The following TCN1 variants were observed in gnomAD, a reference collection of about 807,000 sequenced individuals.
TCN1 encodes transcobalamin 1.
TCN1 carries 47 observed loss-of-function variants against 46.3 expected under a neutral mutation model. That is an observed-to-expected ratio of 1.01 (90% confidence interval 0.80 to 1.29). The LOEUF is 1.29. Among genes scored for constraint, TCN1 ranks in the 50% most tolerant of loss-of-function variants. The probability of loss-of-function intolerance (pLI) is 0.00; values close to 1 mark genes in which losing one functional copy is unlikely to be tolerated. For missense variants in TCN1, 532 were observed against 511.0 expected (o/e 1.04, Z -0.40); for synonymous variants, 183 against 192.5 (o/e 0.95, Z 0.41).
chr11:59,853,305 G>A lies in TCN1; in HGVS notation c.1138C>T (p.Arg380Cys), dbSNP rs768233296. The change falls in exon 8 of 9, where the codon CGC (arginine) becomes TGC (cysteine). Residue 380 changes from arginine to cysteine, a missense_variant. Coordinates refer to ENST00000257264, the MANE Select transcript of TCN1 (RefSeq NM_001062.4). ...DTIFGFTMEE[R>C]SWGPYITCIQ... ...CAGGTGATATAGGGCCCCCATGAGC[G>A]CTCCTCCATTGTGAAACTGTGGGTG... 15 of 1,613,802 alleles carry A rather than the reference G, an allele frequency of 9.3e-6. No individual in the cohort carries two copies. Among genetic ancestry groups the A allele is most frequent in the South Asian group, 5.5e-5 (5 of 91,068 alleles).
Position 59,855,902 on chromosome 11 carries a change from T to A in TCN1, c.904A>T (p.Ile302Phe). Residue 302 changes from isoleucine to phenylalanine, a missense_variant, in exon 6 of 9, where the codon ATT (isoleucine) becomes TTT (phenylalanine). Transcript: ENST00000257264. ...PALMGKTFLD[I>F]NKDSSCVSAS... ...GAGACGCAAGAAGAGTCTTTGTTAA[T>A]ATCCAAGAAGGTCTTTCCCATCAGG... 6.2e-7 allele frequency: 1 copy of A among 1,613,928 alleles called. No individual in the cohort carries two copies.
At chr11:59,859,055 C>T in intron 5 of TCN1, 22 bp downstream of exon 5, 1 of 1,610,208 alleles carries the variant, frequency 6.2e-7, no homozygotes, top group Non-Finnish European at 8.5e-7. Context: ...TTCTCTGCCT[C>T]CTGTTTCACC....
In TCN1 at chr11:59,855,947, C is replaced by T; in HGVS notation, c.859G>A (p.Ala287Thr). ...ATCAGGGCAGGTAAGACCTGGGCTG[C>T]AGCGTTTGGATTGCTGAATGCTCCT... ...SQGAFSNPNA[A>T]AQVLPALMGK... is the part of the protein sequence containing the mutation. The change falls in exon 6 of 9, where the codon GCA becomes ACA. Residue 287 changes from alanine to threonine, a missense_variant. Coordinates refer to ENST00000257264, the MANE Select transcript of TCN1 (RefSeq NM_001062.4). 1 of 1,613,808 alleles carries T rather than the reference C, an allele frequency of 6.2e-7. No homozygotes were observed. The highest frequency in any genetic ancestry group is 1.7e-5 in the Admixed American group (1 of 59,998).
intron 3 of TCN1, among the ~76,000 whole-genome samples, chr11:59,862,160 A>G (rs1406804719): frequency 6.6e-6 from 1 of 152,234 alleles, no homozygotes; most frequent in Non-Finnish European, 1.5e-5. Context: ...TTTCCCAGTG[A>G]TAATGTACTC....
Position 59,853,306 on chromosome 11 carries a change from C to T in TCN1, c.1137G>A (p.Glu379=), listed in dbSNP as rs1373624481. 1.9e-6 allele frequency: 3 copies of T among 1,614,026 alleles called. No individual in the cohort carries two copies. The highest frequency in any genetic ancestry group is 2.5e-6 in the Non-Finnish European group (3 of 1,179,974). Residue 379 remains glutamate (E), a synonymous_variant, in exon 8 of 9, where the codon GAG becomes GAA. Coordinates refer to ENST00000257264, the MANE Select transcript of TCN1 (RefSeq NM_001062.4). ...AGGTGATATAGGGCCCCCATGAGCG[C>T]TCCTCCATTGTGAAACTGTGGGTGA... ...NDTIFGFTME[E]RSWGPYITCI...
Position 59,854,800 on chromosome 11 carries a change from C to A in TCN1, c.973G>T (p.Val325Leu). 1.2e-6 allele frequency: 2 copies of A among 1,613,972 alleles called. No individual in the cohort carries two copies. The highest frequency in any genetic ancestry group is 1.7e-6 in the Non-Finnish European group (2 of 1,179,898). The stretch of plus-strand genomic sequence containing the variant: ...TATGATTGTGAGTCAGGAGGTGTCA[C>A]AGTTATAGGCTCATCAGCGGAGATG... ...FNISADEPIT[V>L]TPPDSQSYIS... The change falls in exon 7 of 9, where the codon GTG becomes TTG. Residue 325 changes from valine (V) to leucine (L), a missense_variant. Transcript: ENST00000257264.
At chr11:59,866,353 C>T (rs577625173) in intron 1 of TCN1, 39 bp downstream of exon 1, 6 of 1,593,438 alleles carry the variant, frequency 3.8e-6, no homozygotes, top group South Asian at 1.1e-5. Context: ...TTTCAGTAGA[C>T]TATCACTCTA....
chr11:59,853,475 G>C (rs1866689735), intron 7 of TCN1, among the ~76,000 whole-genome samples, 154 bp from the exon 8 acceptor site: 1 of 152,110 alleles, frequency 6.6e-6, no homozygotes, highest in Admixed American at 6.5e-5. Context: ...TTTATTTTTA[G>C]ATATGAGCTG....
intron 2 of TCN1, among the ~76,000 whole-genome samples, 176 bp downstream of exon 2, chr11:59,863,731 C>G (rs1853042124): frequency 6.6e-6 from 1 of 152,100 alleles, no homozygotes; most frequent in Admixed American, 6.5e-5. Context: ...AGACCTAGCT[C>G]TAGGGTGAAT....
At chr11:59,856,085 G>GA in intron 5 of TCN1, 27 bp from the exon 6 acceptor site, 1 of 585,326 alleles carries the variant, frequency 1.7e-6, no homozygotes, top group Admixed American at 2.0e-5. Flanking sequence ...GGGTGGGGGG[G>GA]TGATGAGAGA....
rs1003907190 is a variant in TCN1, at chr11:59,863,802, A to G, written c.259+105T>C. Reference sequence around the variant, plus strand: ...CTCAAGTTTGGTACCATTAGAAGGGATGTAGCAGGGATACTTTGGATGCAT... The same window carrying G: ...CTCAAGTTTGGTACCATTAGAAGGGGTGTAGCAGGGATACTTTGGATGCAT... On this transcript the variant is annotated intron_variant, in intron 2 of 8. Coordinates refer to ENST00000257264, the MANE Select transcript of TCN1 (RefSeq NM_001062.4). The G allele has an allele frequency of 1.5e-5, 19 of 1,263,782 alleles. No individual in the cohort carries two copies. In the South Asian group the frequency reaches 1.7e-4, roughly 11 times the overall value. The allele number at this position is 1,263,782 out of a possible 1,614,324, so 78.3% of individuals were successfully genotyped here. A position where few individuals can be genotyped will look rare whatever the true frequency, so the allele number is the denominator to read the frequency against.
At chr11:59,858,942 G>T (rs957850814) in intron 5 of TCN1, 135 bp downstream of exon 5, 2 of 990,552 alleles carry the variant, frequency 2.0e-6, no homozygotes. Context: ...GGCGGAGGTC[G>T]CAGTGAGCTG....
At chr11:59,853,433 A>G (rs1371175045) in intron 7 of TCN1, 112 bp from the exon 8 acceptor site, 4 of 1,020,346 alleles carry the variant, frequency 3.9e-6, no homozygotes, top group Non-Finnish European at 6.2e-6. Flanking sequence ...CATTATAAAA[A>G]TGCAGATTTC....
rs186743461 is a variant in TCN1 at position 59,859,298 on chromosome 11, G to A, written c.557-31C>T. 1.4e-4 allele frequency: 218 copies of A among 1,609,026 alleles called. 1 individual carries two copies. In the Middle Eastern group the frequency reaches 2.0e-3, roughly 15 times the overall value. ...AGGAAACAAAACATTGTTGATAGGC[G>A]ACCAACCACCTCAGTTTGTCCTGGG... On this transcript the variant is annotated intron_variant, in intron 4 of 8. Coordinates refer to ENST00000257264, the MANE Select transcript of TCN1 (RefSeq NM_001062.4).
At chr11:59,866,165 A>G (rs1853072047) in intron 1 of TCN1, among the ~76,000 whole-genome samples, 1 of 152,180 alleles carries the variant, frequency 6.6e-6, no homozygotes, top group Non-Finnish European at 1.5e-5. Context: ...CTGAGCATAG[A>G]AAGAGCAGTT....
intron 2 of TCN1, among the ~76,000 whole-genome samples, 162 bp downstream of exon 2, chr11:59,863,745 A>G (rs886793406): frequency 6.6e-6 from 1 of 152,158 alleles, no homozygotes; most frequent in Admixed American, 6.6e-5. Flanking sequence ...GGTGAATGGC[A>G]TGGGATTGTA....
At chr11:59,855,453 C>T (rs1007435037) in intron 6 of TCN1, among the ~76,000 whole-genome samples, 1 of 152,268 alleles carries the variant, frequency 6.6e-6, no homozygotes, top group South Asian at 2.1e-4. Context: ...ATGCATGCTA[C>T]AATTTTTGAA....
intron 6 of TCN1, 49 bp downstream of exon 6, chr11:59,855,820 G>C (rs768960886): frequency 1.1e-5 from 17 of 1,598,818 alleles, no homozygotes; most frequent in African/African-American, 1.3e-5. Context: ...CACATGCTTT[G>C]GGTGCTATGG....
At chr11:59,855,680 A>T (rs1852922876) in intron 6 of TCN1, among the ~76,000 whole-genome samples, 189 bp downstream of exon 6, 1 of 152,172 alleles carries the variant, frequency 6.6e-6, no homozygotes, top group Non-Finnish European at 1.5e-5. Flanking sequence ...GACATCTAGC[A>T]CTCAGTTAAG....
Sources: gnomAD v4.1 joint callset for allele counts (sites outside exome capture counted in the v4.1 genomes callset) on GRCh38, gnomAD v4.1.1 for gene constraint, MANE v1.5 for transcripts, NCBI Gene and HGNC (gene_info 2026-07-23, HGNC 2026-07-21) for gene names.